KGD4: variants seen among roughly 807,000 people sequenced by gnomAD.
KGD4 encodes alpha-ketoglutarate dehydrogenase component 4.
the KGD4 span, among the ~76,000 whole-genome samples, chr5:69,221,414 A>G: frequency 1.9e-4 from 29 of 152,274 alleles, no homozygotes; most frequent in East Asian, 5.6e-3. Context: ...CTAACAAATG[A>G]AAATCCAGTG....
At chr5:69,226,498 A>G in the KGD4 span, 1 of 854,478 alleles carries the variant, frequency 1.2e-6, no homozygotes, top group South Asian at 1.7e-5. Context: ...TTTTAAAATC[A>G]GTTAAGACTA....
chr5:69,229,161 G>A, the KGD4 span: 1 of 1,543,962 alleles, frequency 6.5e-7, no homozygotes, highest in Non-Finnish European at 8.9e-7. Context: ...AACATTTCCT[G>A]AGTCAATTTA....
At chr5:69,225,141 G>A in the KGD4 span, among the ~76,000 whole-genome samples, 1 of 150,494 alleles carries the variant, frequency 6.6e-6, no homozygotes, top group Admixed American at 6.6e-5. Context: ...GTCTCACTCT[G>A]TTGCCCAGGC....
At chr5:69,223,069 C>T in the KGD4 span, among the ~76,000 whole-genome samples, 9 of 61,404 alleles carry the variant, frequency 1.5e-4, no homozygotes, top group African/African-American at 6.2e-4. Flanking sequence ...AGTCACGGTG[C>T]GCAGCTTTTT....
chr5:69,228,260 C>G, the KGD4 span: 16 of 1,608,194 alleles, frequency 9.9e-6, no homozygotes, highest in Non-Finnish European at 1.4e-5. Context: ...TCACAACATT[C>G]TAAAGGAAGT....
the KGD4 span, among the ~76,000 whole-genome samples, chr5:69,224,800 T>G: frequency 6.6e-6 from 1 of 151,766 alleles, no homozygotes; most frequent in African/African-American, 2.4e-5. Context: ...TTCTGCCGGG[T>G]GCGGTGGCTC....
the KGD4 span, chr5:69,218,029 C>A: frequency 8.3e-7 from 1 of 1,207,076 alleles, no homozygotes. Context: ...GAGGATGGGA[C>A]TTTGAGCCTG....
chr5:69,217,760 A>G, the KGD4 span: 18 of 1,608,762 alleles, frequency 1.1e-5, no homozygotes, highest in Non-Finnish European at 1.4e-5. Context: ...AGCACCGCCC[A>G]CAGCTGCCCG....
At chr5:69,225,871 A>G in the KGD4 span, among the ~76,000 whole-genome samples, 68,110 of 152,002 alleles carry the variant, frequency 0.45, 15,394 homozygotes, top group South Asian at 0.56. Flanking sequence ...GAGCCATCAC[A>G]CTGGGCCTTG....
chr5:69,218,470 A>ATATGTGTGTGTGTG, the KGD4 span, among the ~76,000 whole-genome samples: 1 of 148,524 alleles, frequency 6.7e-6, no homozygotes, highest in African/African-American at 2.5e-5. Flanking sequence ...GTGTATATTA[A>ATATGTGTGTGTGTG]TGTGTGTGTG....
the KGD4 span, chr5:69,228,360 G>A: frequency 1.3e-6 from 2 of 1,599,918 alleles, no homozygotes; most frequent in Non-Finnish European, 1.7e-6. Context: ...GGAAACTTGT[G>A]TCTCAAGAAG....
At chr5:69,224,031 TAA>T in the KGD4 span, among the ~76,000 whole-genome samples, 228 of 114,926 alleles carry the variant, frequency 2.0e-3, no homozygotes, top group African/African-American at 3.8e-3. Flanking sequence ...AGACTCTGTC[TAA>T]AAAAAAAAAA....
chr5:69,223,889 C>T, the KGD4 span, among the ~76,000 whole-genome samples: 2 of 151,452 alleles, frequency 1.3e-5, no homozygotes, highest in Non-Finnish European at 2.9e-5. Flanking sequence ...AAAAATTAGC[C>T]GGGTGTGGTG....
At chr5:69,226,364 A>G in the KGD4 span, 4 of 1,608,868 alleles carry the variant, frequency 2.5e-6, no homozygotes, top group Non-Finnish European at 3.4e-6. Context: ...CTCCATTAAT[A>G]AGGTTTCCTG....
At chr5:69,218,008 C>A in the KGD4 span, 6 of 1,411,284 alleles carry the variant, frequency 4.3e-6, no homozygotes, top group South Asian at 1.2e-5. Flanking sequence ...ACGGCGCCCG[C>A]GGGTGTGTGT....
At chr5:69,221,806 C>G in the KGD4 span, among the ~76,000 whole-genome samples, 2 of 150,992 alleles carry the variant, frequency 1.3e-5, no homozygotes, top group Admixed American at 6.6e-5. Context: ...GAGACACTGT[C>G]AAAAAAAGGC....
the KGD4 span, among the ~76,000 whole-genome samples, chr5:69,229,036 A>G: frequency 6.6e-6 from 1 of 151,110 alleles, no homozygotes; most frequent in South Asian, 2.1e-4. Flanking sequence ...AAAAAAAAAA[A>G]AAAAAAAAAA....
chr5:69,223,163 CTGCCTCCCA>C, the KGD4 span, among the ~76,000 whole-genome samples: 1 of 141,584 alleles, frequency 7.1e-6, no homozygotes, highest in Non-Finnish European at 1.5e-5. Context: ...ACTGCAACCT[CTGCCTCCCA>C]GGTTCAAGCG....
chr5:69,225,783 G>A, the KGD4 span, among the ~76,000 whole-genome samples: 1 of 152,176 alleles, frequency 6.6e-6, no homozygotes, highest in African/African-American at 2.4e-5. Flanking sequence ...GTTTCACCAT[G>A]TTGGCCAGGC....
Sources: gnomAD v4.1 joint callset for allele counts (sites outside exome capture counted in the v4.1 genomes callset) on GRCh38, gnomAD v4.1.1 for gene constraint, MANE v1.5 for transcripts, NCBI Gene and HGNC (gene_info 2026-07-23, HGNC 2026-07-21) for gene names.